ILRUN: variants seen among roughly 807,000 people sequenced by gnomAD.
ILRUN encodes protein ILRUN.
A neutral mutation model predicts 33.8 loss-of-function variants in ILRUN; 3 were observed. The ratio of observed to expected loss-of-function variants is 0.09; its 90% CI spans 0.04 to 0.23. The LOEUF (loss-of-function observed/expected upper bound fraction) is 0.23, where lower values mean the gene tolerates loss of function less well. ILRUN is among the 10% of genes least tolerant of loss of function. The pLI is 1.00. For missense variants in ILRUN, 210 were observed against 375.1 expected (o/e 0.56, Z 3.64); for synonymous variants, 124 against 138.9 (o/e 0.89, Z 0.75).
chr6:34,629,047 T>C (rs1762196357), intron 3 of ILRUN, among the ~76,000 whole-genome samples: 1 of 152,172 alleles, frequency 6.6e-6, no homozygotes, highest in African/African-American at 2.4e-5. Context: ...AGACAGAGGT[T>C]GCAGTGACCT....
chr6:34,640,896 T>C (rs1407915467), intron 3 of ILRUN, among the ~76,000 whole-genome samples: 2 of 150,642 alleles, frequency 1.3e-5, no homozygotes, highest in East Asian at 4.0e-4. Context: ...CTAGACAACA[T>C]GGTAAAACCC....
At chr6:34,661,661 T>C (rs1400287587) in intron 1 of ILRUN, among the ~76,000 whole-genome samples, 1 of 152,218 alleles carries the variant, frequency 6.6e-6, no homozygotes, top group Non-Finnish European at 1.5e-5. Flanking sequence ...AGCACAAACA[T>C]ATTTCTGTCT....
chr6:34,607,952 C>T (rs1454508185), intron 3 of ILRUN, among the ~76,000 whole-genome samples: 1 of 151,966 alleles, frequency 6.6e-6, no homozygotes, highest in Non-Finnish European at 1.5e-5. Context: ...AATTAGCTGG[C>T]CGTGGTGGTG....
chr6:34,676,168 TGA>T (rs1763225066), intron 1 of ILRUN, among the ~76,000 whole-genome samples: 1 of 151,884 alleles, frequency 6.6e-6, no homozygotes, highest in Non-Finnish European at 1.5e-5. Context: ...TCCAGCATGT[TGA>T]GAGGCTGAGG....
intron 1 of ILRUN, among the ~76,000 whole-genome samples, chr6:34,682,009 A>T (rs1581552580): frequency 7.4e-6 from 1 of 134,356 alleles, no homozygotes; most frequent in African/African-American, 2.9e-5. Flanking sequence ...ATGCCACCAC[A>T]CCCCACTAAT....
intron 3 of ILRUN, among the ~76,000 whole-genome samples, chr6:34,619,677 C>G (rs1761969829): frequency 6.6e-6 from 1 of 152,028 alleles, no homozygotes; most frequent in South Asian, 2.1e-4. Flanking sequence ...TAAGAGTGCT[C>G]TCTAGGATAT....
intron 1 of ILRUN, among the ~76,000 whole-genome samples, chr6:34,692,169 G>A (rs964830909): frequency 1.3e-5 from 2 of 152,076 alleles, no homozygotes; most frequent in African/African-American, 4.8e-5. Context: ...TCGCTATCTT[G>A]CCTATGCTGG....
intron 3 of ILRUN, among the ~76,000 whole-genome samples, chr6:34,618,449 A>T (rs1032410435): frequency 2.0e-5 from 3 of 152,020 alleles, no homozygotes; most frequent in Admixed American, 6.6e-5. Context: ...GTTTCACCTA[A>T]TCCTGTCTCA....
At chr6:34,610,255 A>C (rs1468016201) in intron 3 of ILRUN, among the ~76,000 whole-genome samples, 1 of 152,248 alleles carries the variant, frequency 6.6e-6, no homozygotes, top group Non-Finnish European at 1.5e-5. Context: ...TTGACTTAAC[A>C]CCACACATGT....
chr6:34,647,622 G>C lies in ILRUN; in HGVS notation c.314-824C>G, dbSNP rs77962785. The stretch of plus-strand genomic sequence containing the variant: ...TCGCCTGGACTGGAGTACAATGAAT[G>C]GTACAATCTCTGGCTCACTGCAACC... On this transcript the variant is annotated intron_variant, in intron 2 of 4. Coordinates refer to ENST00000374023, the MANE Select transcript of ILRUN (RefSeq NM_024294.4). Among the ~76,000 whole-genome samples the C allele has an allele frequency of 4.7e-3, 719 of 152,150 alleles. 9 individuals are homozygous for C. The highest frequency in any genetic ancestry group is 0.016 in the African/African-American group (682 of 41,506).
intron 1 of ILRUN, among the ~76,000 whole-genome samples, chr6:34,680,042 T>A (rs1183142523): frequency 6.6e-6 from 1 of 152,266 alleles, no homozygotes; most frequent in Non-Finnish European, 1.5e-5. Context: ...AGCCACCCAG[T>A]TTGTGTTGTT....
intron 2 of ILRUN, 84 bp downstream of exon 2, chr6:34,654,541 T>C (rs1277432732): frequency 2.9e-6 from 4 of 1,403,442 alleles, no homozygotes; most frequent in Non-Finnish European, 3.9e-6. Flanking sequence ...CACAATCACA[T>C]ACATAAGCTA....
At chr6:34,687,710 T>C (rs9380449) in intron 1 of ILRUN, among the ~76,000 whole-genome samples, 1 of 117,706 alleles carries the variant, frequency 8.5e-6, no homozygotes, top group Non-Finnish European at 1.8e-5. Flanking sequence ...AAAAAAAAAA[T>C]ATATATATAT....
Position 34,696,613 on chromosome 6 carries a change from C to T in ILRUN, c.-10G>A, listed in dbSNP as rs781096166. The T allele has an allele frequency of 2.1e-5, 34 of 1,590,674 alleles. No individual in the cohort carries two copies. The highest frequency in any genetic ancestry group is 2.8e-5 in the Non-Finnish European group (33 of 1,171,410). On this transcript the variant is annotated 5_prime_UTR_variant, in exon 1 of 5. Transcript: ENST00000374023. ...CGTCCATGCCCTCCATGGCGGGGAC[C>T]GGACACCCGCTTCCCCGCCTCTTCA...
Position 34,614,443 on chromosome 6 carries a change from A to ATATATATATATAT in ILRUN, c.512-7540_512-7539insATATATATATATA, listed in dbSNP as rs775273061. On this transcript the variant is annotated intron_variant, in intron 3 of 4. Transcript: ENST00000374023. Reference sequence around the variant, plus strand: ...TCTCAAAAAATAATAAAAAAAAAAAAATATATATATATAAAATGTATATTA... The same window carrying ATATATATATATAT: ...TCTCAAAAAATAATAAAAAAAAAAAATATATATATATATATATATATATATAAAATGTATATTA... Among the ~76,000 whole-genome samples the ATATATATATATAT allele has an allele frequency of 2.2e-5, 3 of 133,598 alleles. 1 individual carries two copies. The highest frequency in any genetic ancestry group is 9.2e-5 in the African/African-American group (3 of 32,456). 87.6% of individuals were successfully genotyped at this position (133,598 alleles called of 152,430 possible). A position where few individuals can be genotyped will look rare whatever the true frequency, so the allele number is the denominator to read the frequency against.
chr6:34,628,983 T>C (rs893407030), intron 3 of ILRUN, among the ~76,000 whole-genome samples: 7 of 152,112 alleles, frequency 4.6e-5, no homozygotes, highest in African/African-American at 1.7e-4. Flanking sequence ...TGGTGACACA[T>C]GCCTGTAGTC....
At chr6:34,614,817 T>G (rs1326147994) in intron 3 of ILRUN, among the ~76,000 whole-genome samples, 1 of 152,172 alleles carries the variant, frequency 6.6e-6, no homozygotes, top group African/African-American at 2.4e-5. Context: ...GTACCCTTGA[T>G]AGGGTGCTTT....
intron 3 of ILRUN, among the ~76,000 whole-genome samples, chr6:34,622,317 A>G (rs535558068): frequency 2.7e-5 from 4 of 148,556 alleles, no homozygotes; most frequent in East Asian, 1.9e-4. Context: ...TACAGATCAT[A>G]TATGTCATAA....
intron 3 of ILRUN, among the ~76,000 whole-genome samples, chr6:34,630,172 G>A (rs1345111156): frequency 1.3e-5 from 2 of 152,158 alleles, no homozygotes; most frequent in Non-Finnish European, 2.9e-5. Context: ...GTGCATACAC[G>A]TGGATATGCT....
Sources: gnomAD v4.1 joint callset for allele counts (sites outside exome capture counted in the v4.1 genomes callset) on GRCh38, gnomAD v4.1.1 for gene constraint, MANE v1.5 for transcripts, NCBI Gene and HGNC (gene_info 2026-07-23, HGNC 2026-07-21) for gene names.